DAB1: variants seen among roughly 807,000 people sequenced by gnomAD.
The protein encoded by DAB1 is disabled homolog 1.
Under a neutral mutation model 64.6 loss-of-function variants are expected in DAB1, and 15 were observed. The ratio of observed to expected loss-of-function variants is 0.23; its 90% CI spans 0.16 to 0.36. The LOEUF (loss-of-function observed/expected upper bound fraction) is 0.36. Among genes scored for constraint, DAB1 ranks in the 10% least tolerant of loss-of-function variants. The pLI, the probability that DAB1 is intolerant of heterozygous loss-of-function variation, is 1.00. For missense variants in DAB1, 596 were observed against 706.7 expected (o/e 0.84, Z 1.78); for synonymous variants, 235 against 251.9 (o/e 0.93, Z 0.64).
chr1:57,817,473 T>A (rs138316565), intron 6 of DAB1, among the ~76,000 whole-genome samples: 1 of 152,156 alleles, frequency 6.6e-6, no homozygotes, highest in Non-Finnish European at 1.5e-5. Context: ...CCCCTGCAGC[T>A]CTGGAAGATA....
chr1:58,022,941 G>A (rs528762430), intron 5 of DAB1, among the ~76,000 whole-genome samples: 1 of 152,136 alleles, frequency 6.6e-6, no homozygotes, highest in South Asian at 2.1e-4. Context: ...ATCCCTAAGA[G>A]CACTGAACAC....
At chr1:58,259,797 A>G (rs147948451) in intron 4 of DAB1, among the ~76,000 whole-genome samples, 16 of 152,342 alleles carry the variant, frequency 1.1e-4, no homozygotes, top group African/African-American at 3.6e-4. Context: ...AGCAGGCAAG[A>G]TACAGCTTTA....
At chr1:57,317,456 T>C (rs1675310726) in intron 1 of DAB1, among the ~76,000 whole-genome samples, 1 of 152,316 alleles carries the variant, frequency 6.6e-6, no homozygotes, top group East Asian at 1.9e-4. Flanking sequence ...CAATTTTTTT[T>C]AGTCACGTAA....
chr1:57,378,481 C>G (rs1180748183), intron 1 of DAB1, among the ~76,000 whole-genome samples: 1 of 152,228 alleles, frequency 6.6e-6, no homozygotes, highest in African/African-American at 2.4e-5. Context: ...GCCACCCATT[C>G]TGCCCACCTT....
intron 6 of DAB1, among the ~76,000 whole-genome samples, chr1:57,681,807 A>G (rs2101698740): frequency 6.6e-6 from 1 of 152,304 alleles, no homozygotes; most frequent in East Asian, 1.9e-4. Flanking sequence ...AGTAAGTGTG[A>G]TAGAAGATGT....
intron 3 of DAB1, among the ~76,000 whole-genome samples, chr1:58,404,178 C>T (rs544666530): frequency 1.9e-4 from 29 of 152,270 alleles, no homozygotes; most frequent in South Asian, 2.1e-4. Context: ...CAAGCCAACT[C>T]GGGGACCTAC....
At chr1:58,543,175 G>A (rs1162085784) in intron 1 of DAB1, among the ~76,000 whole-genome samples, 4 of 152,020 alleles carry the variant, frequency 2.6e-5, no homozygotes, top group African/African-American at 4.8e-5. Flanking sequence ...AAAATAATGC[G>A]CTTTCTTCAA....
At chr1:58,134,989 G>T (rs1653861664) in intron 5 of DAB1, among the ~76,000 whole-genome samples, 1 of 152,210 alleles carries the variant, frequency 6.6e-6, no homozygotes, top group African/African-American at 2.4e-5. Flanking sequence ...TTCATGTGGA[G>T]ATGAGGTCTG....
At chr1:57,203,812 C>T (rs1185599403) in intron 2 of DAB1, among the ~76,000 whole-genome samples, 2 of 152,164 alleles carry the variant, frequency 1.3e-5, no homozygotes, top group South Asian at 2.1e-4. Flanking sequence ...GTACCGGTTC[C>T]GGACAACTGG....
chr1:58,043,310 A>T (rs575349078), intron 5 of DAB1, among the ~76,000 whole-genome samples: 4 of 152,376 alleles, frequency 2.6e-5, no homozygotes, highest in Admixed American at 2.0e-4. Context: ...ATATAATTTC[A>T]TATTAGAAAA....
chr1:57,298,961 A>T (rs576278092), intron 1 of DAB1, among the ~76,000 whole-genome samples: 2 of 152,342 alleles, frequency 1.3e-5, no homozygotes, highest in South Asian at 4.1e-4. Context: ...CATGAAATTG[A>T]CACCGTGGTA....
At chr1:57,046,335 A>G (rs1648491949) in intron 9 of DAB1, among the ~76,000 whole-genome samples, 1 of 152,190 alleles carries the variant, frequency 6.6e-6, no homozygotes. Flanking sequence ...TTTCTAAGTC[A>G]CTGCAAAAAC....
At chr1:58,135,511 C>G (rs1230835338) in intron 5 of DAB1, among the ~76,000 whole-genome samples, 2 of 151,880 alleles carry the variant, frequency 1.3e-5, no homozygotes, top group Admixed American at 6.6e-5. Context: ...TCAATGCTGA[C>G]TCATTTTATT....
intron 1 of DAB1, among the ~76,000 whole-genome samples, chr1:57,321,735 A>G (rs1675733640): frequency 6.6e-6 from 1 of 152,178 alleles, no homozygotes; most frequent in South Asian, 2.1e-4. Flanking sequence ...TATGGCTGTA[A>G]AAGGATGAAA....
intron 2 of DAB1, among the ~76,000 whole-genome samples, chr1:57,219,853 G>T (rs983478785): frequency 1.3e-5 from 2 of 152,158 alleles, no homozygotes; most frequent in African/African-American, 4.8e-5. Flanking sequence ...AATCCGGAAA[G>T]AAAGGCAGCA....
chr1:58,088,010 A>G (rs1013120606), intron 5 of DAB1, among the ~76,000 whole-genome samples: 2 of 152,172 alleles, frequency 1.3e-5, no homozygotes, highest in African/African-American at 4.8e-5. Context: ...TTTTGTTTCT[A>G]TCAACCATTT....
intron 3 of DAB1, 35 bp downstream of exon 3, chr1:57,145,255 C>T (rs1280939883): frequency 6.2e-7 from 1 of 1,605,242 alleles, no homozygotes; most frequent in East Asian, 2.2e-5. Flanking sequence ...TCACATTAAA[C>T]ACAAAGTATT....
In DAB1 at chr1:57,241,613, A is replaced by G. The variant is rs547767689; in HGVS notation, c.67+49351T>C. Among the ~76,000 whole-genome samples, 4 of 152,290 alleles carry G rather than the reference A, an allele frequency of 2.6e-5. No individual in the cohort carries two copies. In the East Asian group the frequency reaches 5.8e-4, roughly 22 times the overall value. On this transcript the variant is annotated intron_variant, in intron 2 of 14. Coordinates refer to ENST00000371236, the MANE Select transcript of DAB1 (RefSeq NM_001365792.1). ...TTTGGTCAGCATATATCACTGTACCACTGCCACCAAGGTTTGCAGTTGTAC... is the reference window on the plus strand; with the variant it reads ...TTTGGTCAGCATATATCACTGTACCGCTGCCACCAAGGTTTGCAGTTGTAC...
At chr1:57,827,787 C>A (rs530567285) in intron 1 of DAB1, among the ~76,000 whole-genome samples, 3 of 152,280 alleles carry the variant, frequency 2.0e-5, no homozygotes, top group African/African-American at 7.2e-5. Context: ...AAAGGCGGCA[C>A]TGGGATGGGG....
Sources: allele counts gnomAD v4.1 joint callset (sites outside exome capture counted in the v4.1 genomes callset), GRCh38; gene constraint gnomAD v4.1.1; transcripts MANE v1.5; gene names NCBI Gene and HGNC (gene_info 2026-07-23, HGNC 2026-07-21).